The following SMCHD1 variants were observed in gnomAD, a reference collection of about 807,000 sequenced individuals.
SMCHD1 encodes structural maintenance of chromosomes flexible hinge domain-containing protein 1.
Under a neutral mutation model 254.7 loss-of-function variants are expected in SMCHD1, and 78 were observed. That is an observed-to-expected ratio of 0.31 (90% confidence interval 0.26 to 0.37). SMCHD1 has a LOEUF of 0.37. Ranked by LOEUF, SMCHD1 falls within the 10% of genes least tolerant of loss-of-function variation. The pLI is 1.00. For synonymous variants in SMCHD1, 766 were observed against 794.9 expected (o/e 0.96, Z 0.61); for missense variants, 1,840 against 2,408.1 (o/e 0.76, Z 4.94).
chr18:2,660,438 AAAT>A (rs1426869981), intron 1 of SMCHD1, among the ~76,000 whole-genome samples: 4 of 151,924 alleles, frequency 2.6e-5, no homozygotes, highest in Non-Finnish European at 4.4e-5. Flanking sequence ...TGTCTTAATT[AAAT>A]AATAATAAAT....
chr18:2,772,539 CTG>C (rs2076001894), intron 41 of SMCHD1, among the ~76,000 whole-genome samples, 167 bp downstream of exon 41: 1 of 152,220 alleles, frequency 6.6e-6, no homozygotes, highest in Admixed American at 6.5e-5. Context: ...GAGTTTAAAA[CTG>C]AAATCTGTAA....
At chr18:2,785,087 C>T (rs1157615012) in intron 45 of SMCHD1, 2 of 270,528 alleles carry the variant, frequency 7.4e-6, no homozygotes, top group African/African-American at 4.7e-5. Context: ...GACATGTGAT[C>T]TCCTGCCCCT....
In SMCHD1 at chr18:2,718,146, T is replaced by C. The variant is rs1358948386; in HGVS notation, c.2261-12T>C. 5 of 1,589,434 alleles carry C rather than the reference T, an allele frequency of 3.1e-6. No individual in the cohort carries two copies. The highest frequency in any genetic ancestry group is 3.5e-5 in the Admixed American group (2 of 57,012). ...TCTCAAGACACTATTGTTTCTTTTT[T>C]CTTTTATTAAGCTTCAAGTGGAAAT... On this transcript the variant is annotated splice_polypyrimidine_tract_variant and intron_variant, in intron 17 of 47. Transcript: ENST00000320876. The surrounding 1 kb of genome is among the most constrained non-coding windows in gnomAD (Gnocchi z 4.6).
chr18:2,711,543 C>T (rs370961797), intron 17 of SMCHD1, among the ~76,000 whole-genome samples: 5 of 130,178 alleles, frequency 3.8e-5, no homozygotes, highest in Admixed American at 1.8e-4. Context: ...AGTGCAGTGG[C>T]GGGATCTCGG....
At chr18:2,690,063 GCTTT>G (rs2074141132) in intron 7 of SMCHD1, among the ~76,000 whole-genome samples, 1 of 151,968 alleles carries the variant, frequency 6.6e-6, no homozygotes. Context: ...TAAAAATTTG[GCTTT>G]CTGATTCTAA....
intron 1 of SMCHD1, among the ~76,000 whole-genome samples, chr18:2,663,494 G>A (rs2073350978): frequency 6.6e-6 from 1 of 152,134 alleles, no homozygotes; most frequent in East Asian, 1.9e-4. Flanking sequence ...TTGGGCTAAT[G>A]TACAACTGCT....
chr18:2,779,836 TA>T (rs2076125399), intron 44 of SMCHD1, among the ~76,000 whole-genome samples: 1 of 151,774 alleles, frequency 6.6e-6, no homozygotes, highest in Admixed American at 6.6e-5. Context: ...TCTAAAAAAA[TA>T]AAAATTGTTA....
intron 17 of SMCHD1, among the ~76,000 whole-genome samples, chr18:2,717,031 A>G (rs1269871991): frequency 6.6e-6 from 1 of 152,098 alleles, no homozygotes; most frequent in Non-Finnish European, 1.5e-5. Flanking sequence ...TCAATATTAG[A>G]TCACAAATCT....
intron 28 of SMCHD1, 33 bp downstream of exon 28, chr18:2,740,854 T>C: frequency 1.5e-6 from 2 of 1,339,788 alleles, no homozygotes; most frequent in Non-Finnish European, 2.1e-6. Flanking sequence ...TTTGGTTTGA[T>C]TTATTCATTG....
intron 34 of SMCHD1, among the ~76,000 whole-genome samples, chr18:2,757,172 G>A (rs1598410258): frequency 6.6e-6 from 1 of 152,044 alleles, no homozygotes; most frequent in African/African-American, 2.4e-5. Flanking sequence ...CAAGTTTTAT[G>A]TATTTTATTT....
intron 8 of SMCHD1, 67 bp downstream of exon 8, chr18:2,694,760 A>G: frequency 7.3e-7 from 1 of 1,362,086 alleles, no homozygotes; most frequent in Non-Finnish European, 1.0e-6. Context: ...AACATTACAG[A>G]TATATTGAAG....
At chr18:2,688,878 T>C in intron 7 of SMCHD1, 131 bp downstream of exon 7, 1 of 506,676 alleles carries the variant, frequency 2.0e-6, no homozygotes, top group Non-Finnish European at 3.3e-6. Context: ...AAAAATGGGC[T>C]TTCTCAAGCC....
At position 2,741,397 on chromosome 18, in the gene SMCHD1, GAGA is replaced by G. The variant is rs148528020; in HGVS notation, c.3633+580_3633+582del. On this transcript the variant is annotated intron_variant, in intron 28 of 47. Coordinates refer to ENST00000320876, the MANE Select transcript of SMCHD1 (RefSeq NM_015295.3). Reference sequence around the variant, plus strand: ...CAGTAGTAGTCCACAGTGGGTGAGAGAGAAGATCTCTCAGGTCAAAGGGAAGTT... The same window carrying G: ...CAGTAGTAGTCCACAGTGGGTGAGAGAGATCTCTCAGGTCAAAGGGAAGTT... Among the ~76,000 whole-genome samples the G allele has an allele frequency of 6.0e-3, 920 of 152,300 alleles. 11 individuals are homozygous for G. Among genetic ancestry groups the G allele is most frequent in the East Asian group, 0.048 (251 of 5,190 alleles).
intron 9 of SMCHD1, 47 bp from the exon 10 acceptor site, chr18:2,697,779 AAAAGT>A (rs2074315343): frequency 8.0e-7 from 1 of 1,251,202 alleles, no homozygotes. Flanking sequence ...AGCTGAGAAC[AAAAGT>A]AAAGTTACCA....
intron 42 of SMCHD1, among the ~76,000 whole-genome samples, chr18:2,777,444 G>T (rs1475725900): frequency 6.6e-6 from 1 of 152,158 alleles, no homozygotes; most frequent in African/African-American, 2.4e-5. Flanking sequence ...CTTGGGCCTT[G>T]CCCCTTCCCC....
intron 3 of SMCHD1, 123 bp from the exon 4 acceptor site, chr18:2,673,158 C>T: frequency 7.4e-7 from 1 of 1,346,080 alleles, no homozygotes; most frequent in Non-Finnish European, 9.6e-7. Context: ...TCATTAGGAT[C>T]AGGATAATAC....
chr18:2,791,673 T>TTAC lies in SMCHD1; in HGVS notation c.5720-4274_5720-4272dup, dbSNP rs767798415. Among the ~76,000 whole-genome samples, 17 of 152,320 alleles carry TTAC rather than the reference T, an allele frequency of 1.1e-4. No homozygotes were observed. The East Asian group carries it at 2.1e-3, about 19-fold the overall frequency. On this transcript the variant is annotated intron_variant, in intron 45 of 47. Coordinates refer to ENST00000320876, the MANE Select transcript of SMCHD1 (RefSeq NM_015295.3). ...GAAGTATCCCTGTGGTTGTTTCAGC[T>TTAC]TACTGCCTAGAGAGATTTTCCAGAC...
At chr18:2,707,177 A>G (rs2074536000) in intron 15 of SMCHD1, among the ~76,000 whole-genome samples, 1 of 151,744 alleles carries the variant, frequency 6.6e-6, no homozygotes, top group African/African-American at 2.4e-5. Flanking sequence ...AAAGAAGAAG[A>G]AGGAAGTAGA....
intron 46 of SMCHD1, 64 bp downstream of exon 46, chr18:2,796,171 G>C (rs2076260534): frequency 7.5e-7 from 1 of 1,333,062 alleles, no homozygotes. Context: ...TATGATGAGA[G>C]AGAATCCAAC....
Sources: allele counts gnomAD v4.1 joint callset (sites outside exome capture counted in the v4.1 genomes callset), GRCh38; gene constraint gnomAD v4.1.1; non-coding constraint Gnocchi (gnomAD v3.1); transcripts MANE v1.5; gene names NCBI Gene and HGNC (gene_info 2026-07-23, HGNC 2026-07-21).